Variants in AS3MT observed in about 807,000 individuals in gnomAD.
The protein encoded by AS3MT is arsenite methyltransferase, also known as S-adenosyl-L-methionine:arsenic(III) methyltransferase.
A neutral mutation model predicts 45.3 loss-of-function variants in AS3MT; 47 were observed. The observed-to-expected ratio is 1.04, with a 90% CI of 0.82 to 1.32. The LOEUF is 1.32. Among genes scored for constraint, AS3MT ranks in the 40% most tolerant of loss-of-function variants. The pLI, the probability that AS3MT is intolerant of heterozygous loss-of-function variation, is 0.00. For missense variants in AS3MT, 396 were observed against 451.1 expected, an observed-to-expected ratio of 0.88 and a Z score of 1.11; for synonymous variants, 141 against 152.8, an observed-to-expected ratio of 0.92 and a Z score of 0.57.
chr10:102,869,644 GC>G, intron 1 of AS3MT, 51 bp downstream of exon 1: 2 of 1,576,862 alleles, frequency 1.3e-6, no homozygotes, highest in South Asian at 1.1e-5. Flanking sequence ...CCTTCCCTGG[GC>G]CCCCGCAAGG....
intron 9 of AS3MT, among the ~76,000 whole-genome samples, chr10:102,884,509 G>T (rs1018769953): frequency 3.5e-5 from 5 of 141,436 alleles, no homozygotes; most frequent in African/African-American, 1.3e-4. Context: ...TGCAGTATTT[G>T]TTTTTCAGTG....
At chr10:102,885,503 T>A (rs12774174) in intron 9 of AS3MT, among the ~76,000 whole-genome samples, 1,082 of 5,028 alleles carry the variant, frequency 0.22, 19 homozygotes, top group Non-Finnish European at 0.33. Context: ...TAATTTTTTT[T>A]TTTTTTTTTT....
At chr10:102,884,122 G>T (rs193179831) in intron 9 of AS3MT, among the ~76,000 whole-genome samples, 365 of 151,882 alleles carry the variant, frequency 2.4e-3, no homozygotes, top group Non-Finnish European at 4.3e-3. Flanking sequence ...GGGACTATAG[G>T]TGTGTGCTAC....
intron 9 of AS3MT, among the ~76,000 whole-genome samples, chr10:102,879,338 G>T (rs1844837543): frequency 6.6e-6 from 1 of 152,026 alleles, no homozygotes; most frequent in Non-Finnish European, 1.5e-5. Context: ...TGTATTTTTT[G>T]TAGAGATGGG....
intron 9 of AS3MT, among the ~76,000 whole-genome samples, chr10:102,886,686 C>A (rs12780134): frequency 0.2 from 30,572 of 151,890 alleles, 3,193 homozygotes; most frequent in Non-Finnish European, 0.22. Flanking sequence ...TGCAGTGGTG[C>A]AATCATGGCT....
chr10:102,872,236 C>A (rs1378159871), intron 3 of AS3MT, among the ~76,000 whole-genome samples: 1 of 152,150 alleles, frequency 6.6e-6, no homozygotes, highest in Non-Finnish European at 1.5e-5. Flanking sequence ...AGCACATGCC[C>A]AACAATACTG....
intron 8 of AS3MT, 81 bp from the exon 9 acceptor site, chr10:102,878,768 A>G: frequency 6.6e-7 from 1 of 1,506,640 alleles, no homozygotes; most frequent in South Asian, 1.3e-5. Context: ...CATCTTTATA[A>G]CGTGTTTGCT....
intron 6 of AS3MT, among the ~76,000 whole-genome samples, chr10:102,875,519 T>G (rs1297599905): frequency 6.8e-6 from 1 of 147,626 alleles, no homozygotes; most frequent in Admixed American, 6.8e-5. Flanking sequence ...GGGTGGGTGG[T>G]ACATGCCTGT....
intron 10 of AS3MT, among the ~76,000 whole-genome samples, chr10:102,898,493 G>T (rs1267943892): frequency 6.6e-6 from 1 of 152,078 alleles, no homozygotes; most frequent in Non-Finnish European, 1.5e-5. Context: ...CTTTTTGGAA[G>T]ACTGAGGCAG....
chr10:102,871,817 G>A (rs1000509751), intron 3 of AS3MT, among the ~76,000 whole-genome samples: 1 of 152,106 alleles, frequency 6.6e-6, no homozygotes, highest in African/African-American at 2.4e-5. Context: ...AATAACTAGC[G>A]CAGTCCTGGG....
chr10:102,878,416 T>C lies in AS3MT; in HGVS notation c.648T>C (p.Leu216=), dbSNP rs1272402581. 1 of 1,614,194 alleles carries C rather than the reference T, an allele frequency of 6.2e-7. No homozygotes were observed. The highest frequency in any genetic ancestry group is 1.7e-5 in the Admixed American group (1 of 60,024). ...CLGGALYWKE[L]AVLAQKIGFC... ...GTGGTGCTTTATACTGGAAGGAACTTGCTGTCCTTGCTCAAAAAATTGGGT... is the reference window on the plus strand; with the variant it reads ...GTGGTGCTTTATACTGGAAGGAACTCGCTGTCCTTGCTCAAAAAATTGGGT... The change falls in exon 8 of 11, where the codon CTT becomes CTC. Residue 216 remains leucine, a synonymous_variant. Coordinates refer to ENST00000369880, the MANE Select transcript of AS3MT (RefSeq NM_020682.4).
chr10:102,889,626 T>G (rs147098237), intron 9 of AS3MT, among the ~76,000 whole-genome samples: 1,851 of 105,500 alleles, frequency 0.018, 38 homozygotes, highest in African/African-American at 0.046. Context: ...CTTCCTTCCT[T>G]CCTTCCTTCC....
intron 10 of AS3MT, among the ~76,000 whole-genome samples, chr10:102,898,719 T>C (rs1389715855): frequency 1.3e-5 from 2 of 152,218 alleles, no homozygotes; most frequent in Non-Finnish European, 2.9e-5. Flanking sequence ...GGAATTAACT[T>C]TTATTGAATA....
chr10:102,896,386 G>A (rs776263467), intron 10 of AS3MT, among the ~76,000 whole-genome samples: 7 of 150,356 alleles, frequency 4.7e-5, no homozygotes, highest in Non-Finnish European at 4.4e-5. Flanking sequence ...TTCAAAAATG[G>A]TACATTTGTA....
intron 9 of AS3MT, among the ~76,000 whole-genome samples, chr10:102,883,946 ATTTTCTTTTTTC>A (rs1844906482): frequency 1.3e-5 from 2 of 149,882 alleles, no homozygotes; most frequent in Non-Finnish European, 3.0e-5. Flanking sequence ...TCTTTTAGCA[ATTTTCTTTTTTC>A]TTTTCTTTTC....
intron 9 of AS3MT, among the ~76,000 whole-genome samples, chr10:102,888,875 A>ATTTT (rs1448414240): frequency 8.6e-4 from 60 of 70,004 alleles, no homozygotes; most frequent in Non-Finnish European, 1.1e-3. Context: ...ATATATATAT[A>ATTTT]TATATATTTT....
intron 9 of AS3MT, among the ~76,000 whole-genome samples, chr10:102,880,796 G>T (rs1844858880): frequency 6.6e-6 from 1 of 152,102 alleles, no homozygotes; most frequent in Non-Finnish European, 1.5e-5. Context: ...AAACCAAGTA[G>T]ATTTTAGGTT....
Position 102,889,614 on chromosome 10 carries a change from G to GCCTGCCCGCCTTCCTTCCTTCCTT in AS3MT, c.886-927_886-926insGCCCGCCTTCCTTCCTTCCTTCCT, listed in dbSNP as rs559139049. ...CTTCCCTTCCCCTGCCTGTCTGCCT[G>GCCTGCCCGCCTTCCTTCCTTCCTT]CCTTCCTTCCTTCCTTCCTTCCTTC... is the stretch of plus-strand genomic sequence containing the variant. On this transcript the variant is annotated intron_variant, in intron 9 of 10. Transcript: ENST00000369880. Among the ~76,000 whole-genome samples the GCCTGCCCGCCTTCCTTCCTTCCTT allele has an allele frequency of 3.4e-4, 39 of 114,046 alleles. 1 individual carries two copies. The highest frequency in any genetic ancestry group is 1.2e-3 in the African/African-American group (39 of 32,092). The allele number at this position is 114,046 out of a possible 152,430, so 74.8% of individuals were successfully genotyped here.
rs564095616 is a variant in AS3MT at position 102,900,966 on chromosome 10, A to C, written c.*266A>C. On this transcript the variant is annotated 3_prime_UTR_variant, in exon 11 of 11. Coordinates refer to ENST00000369880, the MANE Select transcript of AS3MT (RefSeq NM_020682.4). ...GCTGGGCATGGTGGTGCACACCTAT[A>C]GTCTCAGCTACTCGGGAGGCTGAGG... 87 of 287,834 alleles carry C rather than the reference A, an allele frequency of 3.0e-4. No homozygotes were observed. The highest frequency in any genetic ancestry group is 1.8e-3 in the African/African-American group (82 of 46,144). 17.8% of individuals were successfully genotyped at this position (287,834 alleles called of 1,614,324 possible). A position where few individuals can be genotyped will look rare whatever the true frequency, so the allele number is the denominator to read the frequency against.
Sources: allele counts gnomAD v4.1 joint callset (sites outside exome capture counted in the v4.1 genomes callset), GRCh38; gene constraint gnomAD v4.1.1; transcripts MANE v1.5; gene names NCBI Gene and HGNC (gene_info 2026-07-23, HGNC 2026-07-21).